The following VCL variants were observed in gnomAD, a reference collection of about 807,000 sequenced individuals.
VCL encodes the protein epididymis luminal protein 114.
VCL carries 47 observed loss-of-function variants against 125.7 expected under a neutral mutation model. That is an observed-to-expected ratio of 0.37 (90% CI 0.30 to 0.48). VCL has a LOEUF of 0.48. VCL is among the 20% of genes least tolerant of loss of function. The pLI is 0.99. For missense variants in VCL, 1,069 were observed against 1,455.5 expected, an observed-to-expected ratio of 0.73 and a Z score of 4.32; for synonymous variants, 458 against 514.6, an observed-to-expected ratio of 0.89 and a Z score of 1.49.
Position 74,089,204 on chromosome 10 carries a change from G to C in VCL, c.1031G>C (p.Gly344Ala), listed in dbSNP as rs778875353. ...QVADLRARGQGSSPVAMQKAQ... is the reference protein window; with the variant it reads ...QVADLRARGQASSPVAMQKAQ... Reference sequence around the variant, plus strand: ...GTGTCTGTTTTGAGCAGAGGACAAGGATCCTCACCGGTGGCCATGCAGAAA... The same window carrying C: ...GTGTCTGTTTTGAGCAGAGGACAAGCATCCTCACCGGTGGCCATGCAGAAA... Residue 344 changes from glycine (G) to alanine (A), a missense_variant, in exon 9 of 22, where the codon GGA becomes GCA. Gly to Ala is a moderately conservative substitution (Grantham distance 60). Coordinates refer to ENST00000211998, the MANE Select transcript of VCL (RefSeq NM_014000.3). 37 of 1,613,942 alleles carry C rather than the reference G, an allele frequency of 2.3e-5. No individual in the cohort carries two copies. Among genetic ancestry groups the C allele is most frequent in the Non-Finnish European group, 2.9e-5 (34 of 1,180,004 alleles).
Position 74,038,975 on chromosome 10 carries a change from G to A in VCL, c.169-4108G>A, listed in dbSNP as rs567608857. ...CACCCAGGCTGGAGTACAGTGGCGC[G>A]ATCTTGGCTCACTGCAACCTCCGCC... is the stretch of plus-strand genomic sequence containing the variant. On this transcript the variant is annotated intron_variant, in intron 1 of 21. Transcript: ENST00000211998. Among the ~76,000 whole-genome samples the A allele has an allele frequency of 7.2e-5, 11 of 151,854 alleles. No homozygotes were observed. The South Asian group carries it at 8.3e-4, about 11-fold the overall frequency.
chr10:74,104,850 T>A, intron 15 of VCL: 1 of 642,364 alleles, frequency 1.6e-6, no homozygotes. Flanking sequence ...CAAATCCAGA[T>A]GGGCTTTTGG....
chr10:74,114,773 C>A (rs757537202), intron 20 of VCL, 22 bp from the exon 21 acceptor site: 10 of 1,583,526 alleles, frequency 6.3e-6, no homozygotes, highest in Admixed American at 1.8e-5. Context: ...GAGAAACATA[C>A]CAAATTAAAC....
At chr10:74,064,343 C>T (rs1841529733) in intron 2 of VCL, among the ~76,000 whole-genome samples, 1 of 152,126 alleles carries the variant, frequency 6.6e-6, no homozygotes, top group South Asian at 2.1e-4. Flanking sequence ...GTTTCTGGAA[C>T]CAGCTCCCGT....
intron 1 of VCL, among the ~76,000 whole-genome samples, chr10:74,015,410 C>T (rs569111175): frequency 2.0e-5 from 3 of 152,178 alleles, no homozygotes; most frequent in African/African-American, 4.8e-5. Flanking sequence ...AAAAATTAGC[C>T]GGGCGTGGTG....
intron 2 of VCL, among the ~76,000 whole-genome samples, chr10:74,060,174 A>G (rs1338762269): frequency 1.3e-5 from 2 of 152,174 alleles, no homozygotes; most frequent in East Asian, 3.9e-4. Flanking sequence ...GCATGGTGGC[A>G]TGTGCCTTTG....
intron 13 of VCL, among the ~76,000 whole-genome samples, chr10:74,098,821 T>A (rs1840009033): frequency 1.3e-5 from 2 of 152,320 alleles, no homozygotes; most frequent in African/African-American, 2.4e-5. Flanking sequence ...GCTATTTTTT[T>A]AATTCCAGAC....
intron 10 of VCL, 93 bp downstream of exon 10, chr10:74,090,291 C>A: frequency 7.0e-7 from 1 of 1,438,254 alleles, no homozygotes; most frequent in African/African-American, 1.4e-5. Context: ...CCCCCAAGAA[C>A]ATACATATTT....
chr10:74,071,119 G>T lies in VCL; in HGVS notation c.499+36G>T. On this transcript the variant is annotated intron_variant, in intron 4 of 21. Coordinates refer to ENST00000211998, the MANE Select transcript of VCL (RefSeq NM_014000.3). This position sits in a 1 kb window ranked among gnomAD's most constrained non-coding sequence, Gnocchi z 4.1. ...TCCAATTTCTATAACATTTTTTAAG[G>T]ATTGTCCATGTTGGAGCCAAAGGAA... 1.2e-6 allele frequency: 2 copies of T among 1,601,476 alleles called. No homozygotes were observed. Among genetic ancestry groups the T allele is most frequent in the Non-Finnish European group, 1.7e-6 (2 of 1,168,756 alleles).
chr10:74,031,059 A>G (rs1412098505), intron 1 of VCL, among the ~76,000 whole-genome samples: 1 of 152,232 alleles, frequency 6.6e-6, no homozygotes, highest in Non-Finnish European at 1.5e-5. Context: ...AATAGGTGCT[A>G]AGAAATAAGG....
At chr10:74,113,896 G>T (rs928786899) in intron 19 of VCL, among the ~76,000 whole-genome samples, 9 of 152,072 alleles carry the variant, frequency 5.9e-5, no homozygotes, top group Admixed American at 1.3e-4. Context: ...TAATATCTGG[G>T]TCTTCCTTTT....
chr10:74,061,861 G>T (rs1036218810), intron 2 of VCL, among the ~76,000 whole-genome samples: 1 of 147,602 alleles, frequency 6.8e-6, no homozygotes, highest in African/African-American at 2.5e-5. Context: ...TTCTATTTGG[G>T]TCTTTTTCTC....
At chr10:74,091,269 A>G (rs888358388) in intron 10 of VCL, among the ~76,000 whole-genome samples, 2 of 152,200 alleles carry the variant, frequency 1.3e-5, no homozygotes, top group Non-Finnish European at 2.9e-5. Flanking sequence ...ATGTTTCTTA[A>G]TGATGAAGAG....
rs191518971 is a variant in VCL at position 74,083,837 on chromosome 10, G to A, written c.1022+324G>A. 2.5e-4 allele frequency among the ~76,000 whole-genome samples: 38 copies of A among 151,706 alleles called. 1 individual carries two copies. In the East Asian group the frequency reaches 2.5e-3, roughly 10 times the overall value. On this transcript the variant is annotated intron_variant, in intron 8 of 21. Coordinates refer to ENST00000211998, the MANE Select transcript of VCL (RefSeq NM_014000.3). ...CTCCCGGGTAGCTGGGATTATAGGC[G>A]CCCGCCATCACACCTGGCTAATTTT...
chr10:74,033,361 G>A (rs1459626956), intron 1 of VCL, among the ~76,000 whole-genome samples: 3 of 152,150 alleles, frequency 2.0e-5, no homozygotes, highest in Non-Finnish European at 4.4e-5. Context: ...GAAGGGTTAG[G>A]GCTAAATGGG....
At chr10:74,060,020 G>C (rs570918367) in intron 2 of VCL, among the ~76,000 whole-genome samples, 1 of 152,104 alleles carries the variant, frequency 6.6e-6, no homozygotes, top group South Asian at 2.1e-4. Flanking sequence ...AAATTAGCTG[G>C]GCATGGTGAT....
intron 1 of VCL, among the ~76,000 whole-genome samples, chr10:74,038,821 T>C (rs543087096): frequency 5.1e-4 from 77 of 152,348 alleles, no homozygotes; most frequent in African/African-American, 1.8e-3. Context: ...GCTTTATCTT[T>C]GGATAATAAC....
chr10:74,051,064 C>T (rs558491128), intron 2 of VCL, among the ~76,000 whole-genome samples: 3 of 151,106 alleles, frequency 2.0e-5, no homozygotes, highest in Non-Finnish European at 2.9e-5. Flanking sequence ...CTCAGCCTCC[C>T]GAGTAGCTGG....
chr10:74,033,861 G>A (rs1591663113), intron 1 of VCL, among the ~76,000 whole-genome samples: 1 of 152,018 alleles, frequency 6.6e-6, no homozygotes, highest in East Asian at 1.9e-4. Context: ...CAGGGGCTGG[G>A]AGCCATCCTA....
Sources: allele counts gnomAD v4.1 joint callset (sites outside exome capture counted in the v4.1 genomes callset), GRCh38; gene constraint gnomAD v4.1.1; non-coding constraint Gnocchi (gnomAD v3.1); transcripts MANE v1.5; gene names NCBI Gene and HGNC (gene_info 2026-07-23, HGNC 2026-07-21).